Variants in AKAP12 observed in about 807,000 individuals in gnomAD.
AKAP12 encodes the protein A-kinase anchoring protein 12.
Under a neutral mutation model 79.9 loss-of-function variants are expected in AKAP12, and 32 were observed. The ratio of observed to expected loss-of-function variants is 0.40; its 90% CI spans 0.30 to 0.54. AKAP12 has a LOEUF of 0.54. Among genes scored for constraint, AKAP12 ranks in the 20% least tolerant of loss-of-function variants. AKAP12 has a pLI of 0.48. For synonymous variants in AKAP12, 808 were observed against 857.0 expected (o/e 0.94, Z 1.00); for missense variants, 2,074 against 2,177.0 (o/e 0.95, Z 0.94).
chr6:151,250,088 T>C (rs778006205), intron 2 of AKAP12, among the ~76,000 whole-genome samples: 1 of 152,084 alleles, frequency 6.6e-6, no homozygotes, highest in African/African-American at 2.4e-5. Flanking sequence ...CTACAAAAAA[T>C]TTAAAAATTA....
At chr6:151,321,903 G>GTTGTTTTTTTTT (rs1554329714) in intron 3 of AKAP12, among the ~76,000 whole-genome samples, 2 of 67,356 alleles carry the variant, frequency 3.0e-5, no homozygotes, top group African/African-American at 1.2e-4. Flanking sequence ...TCAGCTTTAT[G>GTTGTTTTTTTTT]TTTTTTTTTT....
At chr6:151,298,958 T>A (rs975488843) in intron 2 of AKAP12, 1 of 152,222 alleles carries the variant, frequency 6.6e-6, no homozygotes, top group Admixed American at 6.5e-5. Context: ...TAACTCCATT[T>A]TACAGAGAAT....
intron 3 of AKAP12, among the ~76,000 whole-genome samples, chr6:151,328,387 C>G (rs956490026): frequency 1.7e-4 from 26 of 149,428 alleles, no homozygotes; most frequent in Non-Finnish European, 3.1e-4. Context: ...GCCTGTGATT[C>G]CAGCACTTTG....
rs569315403 is a variant in AKAP12, at chr6:151,264,061, G to A, written c.162+23337G>A. On this transcript the variant is annotated intron_variant, in intron 2 of 4. Coordinates refer to ENST00000402676, the MANE Select transcript of AKAP12 (RefSeq NM_005100.4). ...CTGTCAATGCACTCTCCAGCTTGGG[G>A]CAGGTGGAGGGGGCACTGTTTCATG... Among the ~76,000 whole-genome samples the A allele has an allele frequency of 7.9e-5, 12 of 152,182 alleles. No individual in the cohort carries two copies. The South Asian group carries it at 2.3e-3, about 29-fold the overall frequency.
In AKAP12 at chr6:151,240,611, G is replaced by A. The variant is rs1164972774; in HGVS notation, c.49G>A (p.Glu17Lys). Residue 17 changes from glutamate to lysine, a missense_variant, in exon 2 of 5, where the codon GAG becomes AAG. This residue lies in a region of AKAP12 where 1,428 missense variants were observed against 1,451.0 expected (regional missense o/e 0.98). Coordinates refer to ENST00000402676, the MANE Select transcript of AKAP12 (RefSeq NM_005100.4). ...TEQRSPEQPP[E>K]GSSTPAEPEP... is the part of the protein sequence containing the mutation. ...GCAGCGCAGCCCGGAGCAGCCGCCC[G>A]AGGGGAGCTCCACGCCGGCTGAGCC... 1.4e-6 allele frequency: 2 copies of A among 1,407,462 alleles called. No individual in the cohort carries two copies. Among genetic ancestry groups the A allele is most frequent in the South Asian group, 1.5e-5 (1 of 67,044 alleles). 87.2% of individuals were successfully genotyped at this position (1,407,462 alleles called of 1,614,324 possible). A position where few individuals can be genotyped will look rare whatever the true frequency, so the allele number is the denominator to read the frequency against.
Position 151,247,493 on chromosome 6 carries a change from G to A in AKAP12, c.162+6769G>A, listed in dbSNP as rs1466002814. 5.3e-5 allele frequency among the ~76,000 whole-genome samples: 8 copies of A among 152,106 alleles called. No homozygotes were observed. The East Asian group carries it at 5.8e-4, about 11-fold the overall frequency. ...AAAAAGCAAGTTCAAGAATAAAAAC[G>A]CAGCTGAGGTAGAGCAGTCTTACTC... On this transcript the variant is annotated intron_variant, in intron 2 of 4. Coordinates refer to ENST00000402676, the MANE Select transcript of AKAP12 (RefSeq NM_005100.4).
intron 2 of AKAP12, among the ~76,000 whole-genome samples, chr6:151,298,008 A>C (rs1406816405): frequency 6.6e-6 from 1 of 152,048 alleles, no homozygotes; most frequent in African/African-American, 2.4e-5. Context: ...CACACAATCC[A>C]AAAACAGAGA....
At chr6:151,259,507 TATATACACACACACACACACACAC>T (rs1243889460) in intron 2 of AKAP12, among the ~76,000 whole-genome samples, 1 of 122,482 alleles carries the variant, frequency 8.2e-6, no homozygotes, top group Non-Finnish European at 1.6e-5. Flanking sequence ...CATGTATATA[TATATACACACACACACACACACAC>T]ACACACACAC....
chr6:151,339,653 G>C (rs1777899285), intron 3 of AKAP12, among the ~76,000 whole-genome samples: 1 of 152,048 alleles, frequency 6.6e-6, no homozygotes, highest in South Asian at 2.1e-4. Flanking sequence ...CTGTGGATTT[G>C]GGCCAATACA....
At chr6:151,243,762 C>T (rs1049045388) in intron 2 of AKAP12, among the ~76,000 whole-genome samples, 7 of 152,134 alleles carry the variant, frequency 4.6e-5, no homozygotes, top group Non-Finnish European at 7.3e-5. Context: ...GGCCGTTTCA[C>T]AACTGCAGGG....
At chr6:151,254,723 T>G (rs572715974) in intron 2 of AKAP12, among the ~76,000 whole-genome samples, 1 of 152,330 alleles carries the variant, frequency 6.6e-6, no homozygotes, top group Non-Finnish European at 1.5e-5. Flanking sequence ...CGTTTGATAT[T>G]CGTTAAAGAC....
chr6:151,284,627 C>G (rs1200449292), intron 2 of AKAP12, among the ~76,000 whole-genome samples: 2 of 152,156 alleles, frequency 1.3e-5, no homozygotes, highest in Non-Finnish European at 2.9e-5. Context: ...GACCCTGTCT[C>G]AAACAAAACC....
chr6:151,325,206 T>C, intron 3 of AKAP12: 4 of 985,380 alleles, frequency 4.1e-6, no homozygotes, highest in Non-Finnish European at 4.8e-6. Flanking sequence ...AAATATCAAA[T>C]GCTACAGATG....
intron 2 of AKAP12, among the ~76,000 whole-genome samples, chr6:151,303,708 G>A (rs761138): frequency 0.87 from 131,844 of 152,154 alleles, 57,226 homozygotes; most frequent in South Asian, 0.92. Flanking sequence ...TTTCCAGACC[G>A]GTTCCAGACC....
rs367749583 is a variant in AKAP12, at chr6:151,350,014, C to T, written c.1623C>T (p.Asp541=). Residue 541 remains aspartate (D), a synonymous_variant, in exon 4 of 5, where the codon GAC becomes GAT. Coordinates refer to ENST00000402676, the MANE Select transcript of AKAP12 (RefSeq NM_005100.4). The surrounding 1 kb of genome is among the most constrained non-coding windows in gnomAD (Gnocchi z 4.8). ...AGAAAGGGAAAAGAGGAGGAGGAGA[C>T]GAGGAATCAGGGGAGCACACTCAGG... ...KKQKGKRGGG[D]EESGEHTQVP... 4.2e-5 allele frequency: 67 copies of T among 1,613,796 alleles called. No homozygotes were observed. In the Middle Eastern group the frequency reaches 6.6e-4, roughly 16 times the overall value.
At chr6:151,334,743 T>C (rs1241021282) in intron 3 of AKAP12, among the ~76,000 whole-genome samples, 1 of 150,678 alleles carries the variant, frequency 6.6e-6, no homozygotes, top group Non-Finnish European at 1.5e-5. Flanking sequence ...TGCCTCAGCC[T>C]CCCGAGTAGC....
Position 151,352,259 on chromosome 6 carries a change from A to G in AKAP12, c.3868A>G (p.Thr1290Ala), listed in dbSNP as rs745626329. ...FFEGLEGSID[T>A]GITVSREKVT... ...CGAAGGACTTGAGGGGTCTATAGAC[A>G]CAGGCATAACAGTCAGTCGGGAAAA... Residue 1290 changes from threonine to alanine, a missense_variant, in exon 4 of 5, where the codon ACA becomes GCA. By Grantham distance (58) the Thr-to-Ala change is moderately conservative. Coordinates refer to ENST00000402676, the MANE Select transcript of AKAP12 (RefSeq NM_005100.4). 3.1e-6 allele frequency: 5 copies of G among 1,614,108 alleles called. No homozygotes were observed. Among genetic ancestry groups the G allele is most frequent in the Non-Finnish European group, 8.5e-7 (1 of 1,180,040 alleles).
intron 3 of AKAP12, among the ~76,000 whole-genome samples, chr6:151,322,898 G>A (rs1479323416): frequency 1.3e-5 from 2 of 152,206 alleles, no homozygotes; most frequent in African/African-American, 2.4e-5. Context: ...GGGAAAACAC[G>A]TTTTCTATCA....
intron 3 of AKAP12, among the ~76,000 whole-genome samples, chr6:151,333,091 CTT>C (rs1190481209): frequency 6.6e-6 from 1 of 152,142 alleles, no homozygotes; most frequent in Non-Finnish European, 1.5e-5. Context: ...TGGTTTTCCT[CTT>C]TGTAGCCAGT....
Sources: allele counts gnomAD v4.1 joint callset (sites outside exome capture counted in the v4.1 genomes callset), GRCh38; gene constraint gnomAD v4.1.1; regional missense constraint gnomAD v4.1.1; non-coding constraint Gnocchi (gnomAD v3.1); transcripts MANE v1.5; gene names NCBI Gene and HGNC (gene_info 2026-07-23, HGNC 2026-07-21).